TRIOBP: variants seen among roughly 807,000 people sequenced by gnomAD.
TRIOBP encodes the protein TRIO and F-actin binding protein.
Under a neutral mutation model 238.8 loss-of-function variants are expected in TRIOBP, and 169 were observed. The observed-to-expected ratio is 0.71, with a 90% confidence interval of 0.62 to 0.80. The LOEUF is 0.80. Ranked by LOEUF, TRIOBP falls within the 30% of genes least tolerant of loss-of-function variation. TRIOBP has a pLI of 0.00. For missense variants in TRIOBP, 2,838 were observed against 3,122.6 expected (o/e 0.91, Z 2.17); for synonymous variants, 1,150 against 1,274.4 (o/e 0.90, Z 2.08).
chr22:37,772,500 G>T, intron 22 of TRIOBP, 101 bp from the exon 23 acceptor site: 2 of 1,538,694 alleles, frequency 1.3e-6, no homozygotes, highest in Admixed American at 3.4e-5. Flanking sequence ...ATGAAGCGAG[G>T]TATCTGCGGG....
Position 37,751,018 on chromosome 22 carries a change from C to T in TRIOBP, c.5323-754C>T, listed in dbSNP as rs1925564257. ...GGGACTTAGATGAGAGAGGTCTCCCCAGCAGGAAGGGAGGGTCTGGTGGTT... is the reference window on the plus strand; with the variant it reads ...GGGACTTAGATGAGAGAGGTCTCCCTAGCAGGAAGGGAGGGTCTGGTGGTT... On this transcript the variant is annotated intron_variant, in intron 11 of 23. Coordinates refer to ENST00000644935, the MANE Select transcript of TRIOBP (RefSeq NM_001039141.3). 4 of 378,818 alleles carry T rather than the reference C, an allele frequency of 1.1e-5. No homozygotes were observed. In the Admixed American group the frequency reaches 1.4e-4, roughly 13 times the overall value. 23.5% of individuals were successfully genotyped at this position (378,818 alleles called of 1,614,324 possible). A position where few individuals can be genotyped will look rare whatever the true frequency, so the allele number is the denominator to read the frequency against.
chr22:37,708,672 C>T (rs987458681), intron 3 of TRIOBP, among the ~76,000 whole-genome samples: 1 of 152,344 alleles, frequency 6.6e-6, no homozygotes, highest in African/African-American at 2.4e-5. Flanking sequence ...GGATAAGTCA[C>T]GTGGCCCAGG....
rs772412097 is a variant in TRIOBP, at chr22:37,734,771, G to A, written c.4435G>A (p.Gly1479Ser). 3 of 1,612,288 alleles carry A rather than the reference G, an allele frequency of 1.9e-6. No individual in the cohort carries two copies. The highest frequency in any genetic ancestry group is 1.1e-5 in the South Asian group (1 of 91,038). ...CAAAGCCCCGGAGGGAGCATGGGGG[G>A]GCACTTCCAGGGAGTACAAGGAGAG... The part of the protein sequence containing the change: ...AAKAPEGAWG[G>S]TSREYKESWG... The change falls in exon 9 of 24, where the codon GGC (glycine) becomes AGC (serine). Residue 1479 changes from glycine (G) to serine (S), a missense_variant. By Grantham distance (56) the Gly-to-Ser change is moderately conservative. Coordinates refer to ENST00000644935, the MANE Select transcript of TRIOBP (RefSeq NM_001039141.3).
intron 4 of TRIOBP, among the ~76,000 whole-genome samples, chr22:37,710,907 G>A (rs1389441212): frequency 6.6e-6 from 1 of 152,218 alleles, no homozygotes; most frequent in Non-Finnish European, 1.5e-5. Flanking sequence ...CTTGCAGTGG[G>A]CATGGCCACA....
intron 9 of TRIOBP, 60 bp from the exon 10 acceptor site, chr22:37,738,582 C>T (rs1924792766): frequency 1.3e-6 from 2 of 1,511,600 alleles, no homozygotes; most frequent in South Asian, 2.3e-5. Context: ...ATGAGGTGGA[C>T]AGATGCATGC....
intron 6 of TRIOBP, among the ~76,000 whole-genome samples, chr22:37,719,497 C>G (rs1370689278): frequency 6.6e-6 from 1 of 152,086 alleles, no homozygotes; most frequent in African/African-American, 2.4e-5. Context: ...GATGTGGCAT[C>G]TTCAACTGAG....
chr22:37,746,433 G>C, intron 11 of TRIOBP: 2 of 1,424,498 alleles, frequency 1.4e-6, no homozygotes, highest in Non-Finnish European at 1.9e-6. Context: ...GAGTGCCCCA[G>C]TCAGCCGCCC....
chr22:37,726,683 T>TTG (rs778832833), intron 7 of TRIOBP, 180 bp downstream of exon 7: 81 of 659,918 alleles, frequency 1.2e-4, no homozygotes, highest in Middle Eastern at 8.5e-4. Flanking sequence ...GTTTTCTGTT[T>TTG]TGTGTGTGTG....
At chr22:37,766,751 A>G (rs1176530475) in intron 18 of TRIOBP, among the ~76,000 whole-genome samples, 1 of 151,428 alleles carries the variant, frequency 6.6e-6, no homozygotes, top group African/African-American at 2.4e-5. Context: ...ACCTGAGGTC[A>G]GGAGTTCGAG....
chr22:37,748,061 G>A (rs769714481), intron 11 of TRIOBP, among the ~76,000 whole-genome samples: 1 of 152,178 alleles, frequency 6.6e-6, no homozygotes, highest in Non-Finnish European at 1.5e-5. Context: ...ACAGCAGTGT[G>A]GACAGAAACG....
intron 2 of TRIOBP, 105 bp from the exon 3 acceptor site, chr22:37,701,201 C>G: frequency 1.6e-6 from 1 of 617,596 alleles, no homozygotes; most frequent in Non-Finnish European, 3.0e-6. Context: ...GGATGAGTAA[C>G]CTTATTTCCT....
chr22:37,731,519 C>T lies in TRIOBP; in HGVS notation c.3948-1779C>T, dbSNP rs896146344. Among the ~76,000 whole-genome samples, 11 of 151,752 alleles carry T rather than the reference C, an allele frequency of 7.2e-5. No individual in the cohort carries two copies. In the South Asian group the frequency reaches 1.2e-3, roughly 17 times the overall value. ...TCACCCAGGCTGGAGTGCAGTGGCG[C>T]GATCTCAGCTCACTGCAACCTCCAC... is the stretch of plus-strand genomic sequence containing the variant. On this transcript the variant is annotated intron_variant, in intron 7 of 23. Coordinates refer to ENST00000644935, the MANE Select transcript of TRIOBP (RefSeq NM_001039141.3).
chr22:37,764,856 C>A (rs1926405661), intron 17 of TRIOBP, among the ~76,000 whole-genome samples: 1 of 152,236 alleles, frequency 6.6e-6, no homozygotes, highest in Admixed American at 6.5e-5. Context: ...TGTTCTCAGT[C>A]TTCAGGGAAT....
Position 37,775,384 on chromosome 22 carries a change from TGAG to T in TRIOBP, c.*1607_*1609del, listed in dbSNP as rs2145888703. ...TCCCATTCCCTTGCCAGGGATTGGT[TGAG>T]GAATGGACAAGGCTTGCAGTTCACG... On this transcript the variant is annotated 3_prime_UTR_variant, in exon 24 of 24. Transcript: ENST00000644935. The T allele has an allele frequency of 6.6e-6, 1 of 152,152 alleles. No homozygotes were observed. Among genetic ancestry groups the T allele is most frequent in the South Asian group, 2.1e-4 (1 of 4,810 alleles). 9.4% of individuals were successfully genotyped at this position (152,152 alleles called of 1,614,324 possible).
intron 17 of TRIOBP, among the ~76,000 whole-genome samples, chr22:37,761,676 C>T (rs1468662046): frequency 1.3e-5 from 2 of 152,176 alleles, no homozygotes; most frequent in East Asian, 3.9e-4. Flanking sequence ...GCAGAGGGGC[C>T]TTTGGGGGCC....
intron 10 of TRIOBP, among the ~76,000 whole-genome samples, chr22:37,740,625 C>T (rs1601643495): frequency 2.6e-5 from 4 of 152,264 alleles, no homozygotes; most frequent in Admixed American, 2.6e-4. Context: ...CTGTGGTCTG[C>T]ACCCCCTCCA....
intron 2 of TRIOBP, among the ~76,000 whole-genome samples, chr22:37,697,943 T>G (rs1439360017): frequency 6.6e-6 from 1 of 152,022 alleles, no homozygotes; most frequent in Non-Finnish European, 1.5e-5. Flanking sequence ...CTCAAGCCTG[T>G]AATCCCAGCA....
chr22:37,713,561 C>T, intron 5 of TRIOBP, 150 bp downstream of exon 5: 1 of 956,070 alleles, frequency 1.0e-6, no homozygotes, highest in Non-Finnish European at 1.6e-6. Context: ...GCTCGGGCCA[C>T]CCCGGCGAAC....
In TRIOBP at chr22:37,725,272, T is replaced by A. The variant is rs750509215; in HGVS notation, c.2716T>A (p.Trp906Arg). 6.2e-7 allele frequency: 1 copy of A among 1,613,980 alleles called. No individual in the cohort carries two copies. Among genetic ancestry groups the A allele is most frequent in the Non-Finnish European group, 8.5e-7 (1 of 1,180,008 alleles). Residue 906 changes from tryptophan to arginine, a missense_variant, in exon 7 of 24, where the codon TGG becomes AGG. Physicochemically the swap from Trp to Arg is moderately radical, Grantham distance 101 (BLOSUM62 -3). Transcript: ENST00000644935. ...SPHRTNKDIP[W>R]ASFPLRPTQS... ...CCATCGTACTAACAAAGACATCCCCTGGGCCTCGTTTCCCCTCCGGCCAAC... is the reference window on the plus strand; with the variant it reads ...CCATCGTACTAACAAAGACATCCCCAGGGCCTCGTTTCCCCTCCGGCCAAC...
Sources: gnomAD v4.1 joint callset for allele counts (sites outside exome capture counted in the v4.1 genomes callset) on GRCh38, gnomAD v4.1.1 for gene constraint, MANE v1.5 for transcripts, NCBI Gene and HGNC (gene_info 2026-07-23, HGNC 2026-07-21) for gene names.